The following SUGP1 variants were observed in gnomAD, a reference collection of about 807,000 sequenced individuals.
SUGP1 encodes the protein SURP and G-patch domain-containing protein 1.
A neutral mutation model predicts 76.5 loss-of-function variants in SUGP1; 34 were observed. That is an observed-to-expected ratio of 0.44 (90% confidence interval 0.34 to 0.59). The LOEUF is 0.59. Ranked by LOEUF, SUGP1 falls within the 20% of genes least tolerant of loss-of-function variation. The probability of loss-of-function intolerance (pLI) is 0.01; values close to 1 mark genes in which losing one functional copy is unlikely to be tolerated. For synonymous variants in SUGP1, 326 were observed against 326.2 expected, an observed-to-expected ratio of 1.00 and a Z score of 0.01; for missense variants, 752 against 851.7, an observed-to-expected ratio of 0.88 and a Z score of 1.46.
At chr19:19,297,400 A>ATGCTGGGCAGGAGCAGTTCTGGCC in intron 7 of SUGP1, 56 bp from the exon 8 acceptor site, 1 of 1,349,532 alleles carries the variant, frequency 7.4e-7, no homozygotes, top group Non-Finnish European at 1.0e-6. Flanking sequence ...CCTGTCCCTG[A>ATGCTGGGCAGGAGCAGTTCTGGCC]TTCTGGGCAG....
In SUGP1 at chr19:19,277,060, C is replaced by T. The variant is rs1336011516; in HGVS notation, c.1798G>A (p.Asp600Asn). ...NPVNKGTTTV[D>N]GAGFGIDRPA... ...CGGTCAATGCCGAAGCCAGCGCCGT[C>T]CACTGTGGTGGTGCCCCTACAGGGA... Residue 600 changes from aspartate (D) to asparagine (N), a missense_variant, in exon 13 of 14, where the codon GAC becomes AAC. By Grantham distance (23) the Asp-to-Asn change is conservative (BLOSUM62 1). Coordinates refer to ENST00000247001, the MANE Select transcript of SUGP1 (RefSeq NM_172231.4). 1.2e-5 allele frequency: 19 copies of T among 1,611,352 alleles called. No homozygotes were observed. Among genetic ancestry groups the T allele is most frequent in the Non-Finnish European group, 1.6e-5 (19 of 1,179,728 alleles).
chr19:19,307,582 TG>T (rs34625339), intron 3 of SUGP1, among the ~76,000 whole-genome samples: 2,647 of 152,304 alleles, frequency 0.017, 91 homozygotes, highest in South Asian at 0.11. Context: ...CAACAGGGGT[TG>T]TCAGACACAC....
At chr19:19,278,543 T>C (rs2061071969) in intron 11 of SUGP1, 147 bp downstream of exon 11, 1 of 657,852 alleles carries the variant, frequency 1.5e-6, no homozygotes, top group Non-Finnish European at 2.7e-6. Context: ...GCGCCTGTCA[T>C]TAACAGATGC....
In SUGP1 at chr19:19,279,270, T is replaced by G. The variant is rs777828548; in HGVS notation, c.1471A>C (p.Ser491Arg). Residue 491 changes from serine (S) to arginine (R), a missense_variant, in exon 10 of 14, where the codon AGC becomes CGC. By Grantham distance (110) the Ser-to-Arg change is moderately radical (BLOSUM62 -1). Coordinates refer to ENST00000247001, the MANE Select transcript of SUGP1 (RefSeq NM_172231.4). ...TGGTGCTCCCAGGTGCCCAGCTCGC[T>G]GTCCACCTCCTCATCACTGTCATAG... ...HGYDSDEEVDSELGTWEHQLR... is the reference protein window; with the variant it reads ...HGYDSDEEVDRELGTWEHQLR... The G allele has an allele frequency of 6.2e-7, 1 of 1,609,090 alleles. No homozygotes were observed. Among genetic ancestry groups the G allele is most frequent in the African/African-American group, 1.3e-5 (1 of 74,756 alleles).
intron 7 of SUGP1, among the ~76,000 whole-genome samples, chr19:19,301,229 A>G (rs1042711996): frequency 5.3e-5 from 8 of 152,002 alleles, no homozygotes; most frequent in Admixed American, 2.0e-4. Context: ...AGGCCTAAAC[A>G]ATCCACGGCC....
chr19:19,304,882 G>C (rs1193307823), intron 4 of SUGP1, among the ~76,000 whole-genome samples: 1 of 152,104 alleles, frequency 6.6e-6, no homozygotes, highest in Non-Finnish European at 1.5e-5. Context: ...TTTCACCCTA[G>C]GTCGCCCTCC....
At chr19:19,314,144 AAAAT>A (rs57753588) in intron 2 of SUGP1, among the ~76,000 whole-genome samples, 54,787 of 146,934 alleles carry the variant, frequency 0.37, 10,760 homozygotes, top group African/African-American at 0.47. Flanking sequence ...CTCAAAAAAT[AAAAT>A]AAATAAATAA....
At position 19,277,719 on chromosome 19, in the gene SUGP1, C is replaced by G; in HGVS notation, c.1781+15G>C. 1 of 1,612,674 alleles carries G rather than the reference C, an allele frequency of 6.2e-7. No individual in the cohort carries two copies. Among genetic ancestry groups the G allele is most frequent in the Admixed American group, 1.7e-5 (1 of 59,968 alleles). ...CCAAGTTCATGGCCATGCCCTCCCA[C>G]AAGGCCACACTCACTTGTTCACTGG... On this transcript the variant is annotated intron_variant, in intron 12 of 13. Coordinates refer to ENST00000247001, the MANE Select transcript of SUGP1 (RefSeq NM_172231.4).
At chr19:19,304,291 C>A (rs760427371) in intron 4 of SUGP1, among the ~76,000 whole-genome samples, 5 of 152,152 alleles carry the variant, frequency 3.3e-5, no homozygotes, top group Non-Finnish European at 5.9e-5. Context: ...CTAGTGTCAT[C>A]ATAGAAGCTC....
intron 8 of SUGP1, among the ~76,000 whole-genome samples, chr19:19,291,331 A>G (rs1599852874): frequency 6.6e-6 from 1 of 152,324 alleles, no homozygotes; most frequent in South Asian, 2.1e-4. Context: ...AAGATCAACA[A>G]AAGTGACAAA....
chr19:19,277,247 C>CT (rs1157017321), intron 12 of SUGP1, among the ~76,000 whole-genome samples, 171 bp from the exon 13 acceptor site: 3 of 14,736 alleles, frequency 2.0e-4, no homozygotes, highest in South Asian at 2.4e-3. Flanking sequence ...ACCCCCGGGG[C>CT]GGGCGGGGGG....
At chr19:19,308,964 T>A (rs2061335562) in intron 3 of SUGP1, among the ~76,000 whole-genome samples, 1 of 152,112 alleles carries the variant, frequency 6.6e-6, no homozygotes, top group South Asian at 2.1e-4. Flanking sequence ...CCTCCTGGGT[T>A]CAACCGATTC....
In SUGP1 at chr19:19,276,651, G is replaced by A. The variant is rs1383833514; in HGVS notation, c.1935C>T (p.Tyr645=). ...NPLNNPRRPY[Y] The stretch of plus-strand genomic sequence containing the variant: ...AAAGTATGTATTTCCAGAACACTCA[G>A]TAGTAAGGCCGTCTGGGATTGTTCT... Residue 645 remains tyrosine, a synonymous_variant, in exon 14 of 14, where the codon TAC becomes TAT. Transcript: ENST00000247001. The A allele has an allele frequency of 1.2e-6, 2 of 1,614,184 alleles. No homozygotes were observed. The highest frequency in any genetic ancestry group is 1.7e-6 in the Non-Finnish European group (2 of 1,180,042).
At chr19:19,310,655 T>C (rs1357706353) in intron 2 of SUGP1, among the ~76,000 whole-genome samples, 2 of 152,018 alleles carry the variant, frequency 1.3e-5, no homozygotes, top group African/African-American at 2.4e-5. Flanking sequence ...TCTCTATCTA[T>C]CTATCCGAAA....
chr19:19,308,261 C>T (rs761794407), intron 3 of SUGP1, among the ~76,000 whole-genome samples: 36 of 152,124 alleles, frequency 2.4e-4, no homozygotes, highest in Non-Finnish European at 1.0e-4. Flanking sequence ...CTTGAATTCC[C>T]GAGCTCAAGC....
Position 19,306,017 on chromosome 19 carries a change from T to C in SUGP1, c.370A>G (p.Arg124Gly). 1 of 1,611,662 alleles carries C rather than the reference T, an allele frequency of 6.2e-7. No homozygotes were observed. Among genetic ancestry groups the C allele is most frequent in the Non-Finnish European group, 8.5e-7 (1 of 1,179,460 alleles). ...PSTPTPSAGK[R>G]SLLISRRTGL... ...GTCCGCCTGCTGATGAGCAGGGACC[T>C]CTTCCCAGCGCTGGGGGTGGGTGTG... The change falls in exon 4 of 14, where the codon AGG becomes GGG. Residue 124 changes from arginine to glycine, a missense_variant. Transcript: ENST00000247001.
rs1425008267 is a variant in SUGP1, at chr19:19,316,419, T to C, written c.206+3A>G. 6.2e-7 allele frequency: 1 copy of C among 1,613,932 alleles called. No individual in the cohort carries two copies. Among genetic ancestry groups the C allele is most frequent in the South Asian group, 1.1e-5 (1 of 91,072 alleles). Reference sequence around the variant, plus strand: ...CCCCATCCAGGCCCCAGCAGGCACTTACTCGCCAGGATGTGGGGGCTGAGG... The same window carrying C: ...CCCCATCCAGGCCCCAGCAGGCACTCACTCGCCAGGATGTGGGGGCTGAGG... On this transcript the variant is annotated splice_donor_region_variant and intron_variant, in intron 2 of 13. Transcript: ENST00000247001.
chr19:19,318,195 G>A (rs1004896695), intron 1 of SUGP1, among the ~76,000 whole-genome samples: 3 of 139,772 alleles, frequency 2.1e-5, no homozygotes, highest in Non-Finnish European at 3.0e-5. Flanking sequence ...TTGGCTCACT[G>A]CAATCTCCAC....
intron 2 of SUGP1, among the ~76,000 whole-genome samples, chr19:19,312,205 T>A (rs886446173): frequency 6.6e-6 from 1 of 151,548 alleles, no homozygotes; most frequent in Non-Finnish European, 1.5e-5. Context: ...CTAGCCTGGG[T>A]GACAGAGTAA....
Sources: allele counts gnomAD v4.1 joint callset (sites outside exome capture counted in the v4.1 genomes callset), GRCh38; gene constraint gnomAD v4.1.1; transcripts MANE v1.5; gene names NCBI Gene and HGNC (gene_info 2026-07-23, HGNC 2026-07-21).